SLFN12L: variants seen among roughly 807,000 people sequenced by gnomAD.
SLFN12L encodes the protein schlafen family member 12 like.
SLFN12L carries 34 observed loss-of-function variants against 34.8 expected under a neutral mutation model. That is an observed-to-expected ratio of 0.98 (90% confidence interval 0.74 to 1.30). The LOEUF (loss-of-function observed/expected upper bound fraction) is 1.30. Ranked by LOEUF, SLFN12L falls within the 50% of genes most tolerant of loss-of-function variation. The pLI is 0.00. For synonymous variants in SLFN12L, 259 were observed against 247.5 expected, an observed-to-expected ratio of 1.05 and a Z score of -0.44; for missense variants, 703 against 696.2, an observed-to-expected ratio of 1.01 and a Z score of -0.11.
At chr17:35,515,199 A>C (rs1002896351) in intron 2 of SLFN12L, 2 of 594,766 alleles carry the variant, frequency 3.4e-6, no homozygotes, top group African/African-American at 3.7e-5. Context: ...TCTTCCCCAG[A>C]ACGCTGAGTG....
intron 1 of SLFN12L, among the ~76,000 whole-genome samples, chr17:35,533,962 C>T (rs1374664506): frequency 6.6e-6 from 1 of 152,152 alleles, no homozygotes; most frequent in Non-Finnish European, 1.5e-5. Context: ...GTCCCAGCTA[C>T]TTGGGAGGCT....
rs887643812 is a variant in SLFN12L at position 35,469,316 on chromosome 17, TTA to T, written c.*5605_*5606del. On this transcript the variant is annotated 3_prime_UTR_variant, in exon 5 of 5. Coordinates refer to ENST00000628453, the MANE Select transcript of SLFN12L (RefSeq NM_001363830.2). Reference sequence around the variant, plus strand: ...TATATATATATAAAATATATATATATTATATATATAAATATATATATAATATA... The same window carrying T: ...TATATATATATAAAATATATATATATTATATATAAATATATATATAATATA... Among the ~76,000 whole-genome samples, 19 of 131,774 alleles carry T rather than the reference TTA, an allele frequency of 1.4e-4. 1 individual carries two copies. Among genetic ancestry groups the T allele is most frequent in the Admixed American group, 6.3e-4 (8 of 12,702 alleles). The allele number at this position is 131,774 out of a possible 152,430, so 86.4% of individuals were successfully genotyped here. A position where few individuals can be genotyped will look rare whatever the true frequency, so the allele number is the denominator to read the frequency against.
At position 35,530,528 on chromosome 17, in the gene SLFN12L, AAAAGAAAAGAAAAG is replaced by A. The variant is rs1161272669; in HGVS notation, c.-606+7031_-606+7044del. 3.6e-3 allele frequency among the ~76,000 whole-genome samples: 174 copies of A among 48,446 alleles called. 11 individuals carry two copies. Among genetic ancestry groups the A allele is most frequent in the African/African-American group, 9.8e-3 (171 of 17,450 alleles). 31.8% of individuals were successfully genotyped at this position (48,446 alleles called of 152,430 possible). A position where few individuals can be genotyped will look rare whatever the true frequency, so the allele number is the denominator to read the frequency against. On this transcript the variant is annotated intron_variant, in intron 1 of 4. Transcript: ENST00000628453. ...AGAAAGAAAGAAAAGAAAAGAAAAG[AAAAGAAAAGAAAAG>A]AAAGAAAGAAAGAAAGAGAAAGGGA...
chr17:35,485,884 T>C (rs1914561621), intron 2 of SLFN12L, among the ~76,000 whole-genome samples: 1 of 152,234 alleles, frequency 6.6e-6, no homozygotes, highest in Non-Finnish European at 1.5e-5. Context: ...TACTATGTTT[T>C]GGTTACTGTA....
At chr17:35,512,141 A>G (rs1055212818) in intron 2 of SLFN12L, among the ~76,000 whole-genome samples, 1 of 146,722 alleles carries the variant, frequency 6.8e-6, no homozygotes, top group Non-Finnish European at 1.5e-5. Flanking sequence ...AGAATTTAAA[A>G]AAGAGCTGAT....
In SLFN12L at chr17:35,475,046, T is replaced by C. The variant is rs968032347; in HGVS notation, c.1716A>G (p.Thr572=). ...AAAGGGCCTTTTCCAAGTCTTTCAT[T>C]GTTTGAGCTGTTGTCCAATAGTAGG... ...PESYYWTTAQ[T]MKDLEKALSN... Residue 572 remains threonine (T), a synonymous_variant, in exon 5 of 5, where the codon ACA becomes ACG. Transcript: ENST00000628453. The C allele has an allele frequency of 6.2e-7, 1 of 1,612,054 alleles. No homozygotes were observed. Among genetic ancestry groups the C allele is most frequent in the Non-Finnish European group, 8.5e-7 (1 of 1,178,756 alleles).
chr17:35,490,128 T>TCCTCTACACCACG (rs1914774910), intron 2 of SLFN12L: 1 of 1,604,660 alleles, frequency 6.2e-7, no homozygotes, highest in Non-Finnish European at 8.5e-7. Context: ...GCCGGCAACC[T>TCCTCTACACCACG]CCTCTACACC....
chr17:35,531,556 A>G (rs1567695475), intron 1 of SLFN12L, among the ~76,000 whole-genome samples: 2 of 152,122 alleles, frequency 1.3e-5, no homozygotes, highest in South Asian at 2.1e-4. Flanking sequence ...ATAGCATGCC[A>G]TTGGTTTCCA....
intron 2 of SLFN12L, among the ~76,000 whole-genome samples, chr17:35,488,631 T>G (rs898964501): frequency 2.6e-5 from 4 of 152,146 alleles, no homozygotes; most frequent in African/African-American, 9.7e-5. Context: ...ACTCACTAAC[T>G]GAGGAGTTCA....
At chr17:35,514,797 C>T in intron 2 of SLFN12L, 2 of 398,642 alleles carry the variant, frequency 5.0e-6, no homozygotes, top group Non-Finnish European at 9.7e-6. Context: ...CAAGCGCCAG[C>T]ACTTACAAGT....
In SLFN12L at chr17:35,466,593, C is replaced by A. The variant is rs1567634621; in HGVS notation, c.*8330G>T. Among the ~76,000 whole-genome samples the A allele has an allele frequency of 6.6e-6, 1 of 152,160 alleles. No individual in the cohort carries two copies. Among genetic ancestry groups the A allele is most frequent in the Non-Finnish European group, 1.5e-5 (1 of 68,036 alleles). On this transcript the variant is annotated 3_prime_UTR_variant, in exon 5 of 5. Transcript: ENST00000628453. ...TTTCATCCTTTTTGGGTTTTCATGG[C>A]AAAATATTCTTCACTTACAAATTTT...
At position 35,483,408 on chromosome 17, in the gene SLFN12L, C is replaced by A. The variant is rs118127204; in HGVS notation, c.87-3213G>T. On this transcript the variant is annotated intron_variant, in intron 2 of 4. Coordinates refer to ENST00000628453, the MANE Select transcript of SLFN12L (RefSeq NM_001363830.2). ...CCACAGAGGTTTCTGGCCAGAAAATCAACACCCTGAAGATCCTGTAACACA... is the reference window on the plus strand; with the variant it reads ...CCACAGAGGTTTCTGGCCAGAAAATAAACACCCTGAAGATCCTGTAACACA... Among the ~76,000 whole-genome samples the A allele has an allele frequency of 3.6e-4, 55 of 152,280 alleles. No homozygotes were observed. In the East Asian group the frequency reaches 9.7e-3, roughly 27 times the overall value.
intron 1 of SLFN12L, among the ~76,000 whole-genome samples, chr17:35,536,382 T>C (rs117390998): frequency 0.029 from 4,455 of 152,324 alleles, 78 homozygotes; most frequent in Middle Eastern, 0.058. Context: ...TCTGCTTTAA[T>C]TAATGTTGGT....
chr17:35,488,852 C>T (rs1567658217), intron 2 of SLFN12L, among the ~76,000 whole-genome samples: 1 of 151,696 alleles, frequency 6.6e-6, no homozygotes, highest in Non-Finnish European at 1.5e-5. Context: ...GGCGGATCAC[C>T]TGAGGTCAGG....
intron 2 of SLFN12L, among the ~76,000 whole-genome samples, chr17:35,488,584 G>T (rs948262773): frequency 6.6e-5 from 10 of 152,158 alleles, no homozygotes; most frequent in Non-Finnish European, 7.4e-5. Flanking sequence ...ACTGTTGCGA[G>T]AACCCATACT....
At chr17:35,481,262 G>T (rs1032848523) in intron 2 of SLFN12L, among the ~76,000 whole-genome samples, 14 of 152,104 alleles carry the variant, frequency 9.2e-5, no homozygotes, top group African/African-American at 3.4e-4. Context: ...CCCTTTCCCC[G>T]GGGGAGTTAG....
At position 35,468,461 on chromosome 17, in the gene SLFN12L, C is replaced by T. The variant is rs971879688; in HGVS notation, c.*6462G>A. ...AGCTTACCGTCAGAGATGAATTTAC[C>T]CCTGCACCAGACATGGCGTCACCCT... On this transcript the variant is annotated 3_prime_UTR_variant, in exon 5 of 5. Coordinates refer to ENST00000628453, the MANE Select transcript of SLFN12L (RefSeq NM_001363830.2). 2.0e-5 allele frequency among the ~76,000 whole-genome samples: 3 copies of T among 152,128 alleles called. No homozygotes were observed. Among genetic ancestry groups the T allele is most frequent in the Non-Finnish European group, 4.4e-5 (3 of 68,026 alleles).
chr17:35,492,773 G>A (rs1313459698), intron 2 of SLFN12L, among the ~76,000 whole-genome samples: 19 of 152,140 alleles, frequency 1.2e-4, no homozygotes, highest in Admixed American at 1.2e-3. Context: ...ATCTCCCACT[G>A]GGAATATGGC....
chr17:35,491,471 A>C lies in SLFN12L; in HGVS notation c.87-11276T>G, dbSNP rs191827146. ...CCTTGGGAAAGCCCTGCTTTGCTACAGGCTCCAAGATCTCCTGGCTAGGTC... is the reference window on the plus strand; with the variant it reads ...CCTTGGGAAAGCCCTGCTTTGCTACCGGCTCCAAGATCTCCTGGCTAGGTC... On this transcript the variant is annotated intron_variant, in intron 2 of 4. Coordinates refer to ENST00000628453, the MANE Select transcript of SLFN12L (RefSeq NM_001363830.2). 5.6e-4 allele frequency among the ~76,000 whole-genome samples: 86 copies of C among 152,372 alleles called. No individual in the cohort carries two copies. In the East Asian group the frequency reaches 0.016, roughly 29 times the overall value.
Sources: gnomAD v4.1 joint callset for allele counts (sites outside exome capture counted in the v4.1 genomes callset) on GRCh38, gnomAD v4.1.1 for gene constraint, MANE v1.5 for transcripts, NCBI Gene and HGNC (gene_info 2026-07-23, HGNC 2026-07-21) for gene names.